Variants in H2BC18 observed in about 807,000 individuals in gnomAD.
The protein encoded by H2BC18 is histone H2B type 2-F.
Under a neutral mutation model 6.3 loss-of-function variants are expected in H2BC18, and 8 were observed. The ratio of observed to expected loss-of-function variants is 1.28; its 90% CI spans 0.75 to 2.31. The LOEUF is 2.31. H2BC18 is among the 30% of genes most tolerant of loss of function. H2BC18 has a pLI of 0.00. For missense variants in H2BC18, 106 were observed against 174.5 expected (o/e 0.61, Z 2.21); for synonymous variants, 104 against 78.1 (o/e 1.33, Z -1.75).
intron 1 of H2BC18, among the ~76,000 whole-genome samples, chr1:149,794,355 G>C (rs1355072898): frequency 6.6e-6 from 1 of 151,574 alleles, no homozygotes; most frequent in Admixed American, 6.6e-5. Flanking sequence ...GAGGGGAACG[G>C]GGTAGCAAGA....
chr1:149,792,677 C>G (rs1313558041), intron 1 of H2BC18: 2 of 1,280,080 alleles, frequency 1.6e-6, no homozygotes, highest in Non-Finnish European at 2.0e-6. Context: ...GCCGCCAGCG[C>G]CCGGGGACCC....
In H2BC18 at chr1:149,812,266, T is replaced by G. The variant is rs1214879677; in HGVS notation, c.58A>C (p.Thr20Pro). 2 of 1,614,256 alleles carry G rather than the reference T, an allele frequency of 1.2e-6. No homozygotes were observed. The highest frequency in any genetic ancestry group is 1.7e-6 in the Non-Finnish European group (2 of 1,180,032). ...APKKGSKKAV[T>P]KVQKKDGKKR... ...TTGCCGTCCTTCTTCTGCACTTTCG[T>G]AACAGCCTTTTTGGAGCCCTTCTTG... The change falls in exon 1 of 1, where the codon ACG (threonine) becomes CCG (proline). Residue 20 changes from threonine to proline, a missense_variant. By Grantham distance (38) the Thr-to-Pro change is conservative. Around this residue, in one of 3 missense-constraint regions of H2BC18, gnomAD observed 70 missense variants for 64.6 expected, o/e 1.08. Transcript: ENST00000369167.
intron 1 of H2BC18, among the ~76,000 whole-genome samples, chr1:149,797,114 T>A (rs1553752864): frequency 6.6e-6 from 1 of 152,232 alleles, no homozygotes; most frequent in Non-Finnish European, 1.5e-5. Context: ...GGTTTCACCA[T>A]CTTGGCTAGG....
rs1553754541 is a variant in H2BC18, at chr1:149,812,061, G to A, written c.263C>T (p.Ser88Phe). Residue 88 changes from serine (S) to phenylalanine (F), a missense_variant, in exon 1 of 1, where the codon TCC becomes TTC. Transcript: ENST00000369167. Reference sequence around the variant, plus strand: ...CTGGATCTCGCGGGATGTGATGGTGGAGCGCTTGTTGTAGTGCGCCAGGCG... The same window carrying A: ...CTGGATCTCGCGGGATGTGATGGTGAAGCGCTTGTTGTAGTGCGCCAGGCG... ...ASRLAHYNKRSTITSREIQTA... is the reference protein window; with the variant it reads ...ASRLAHYNKRFTITSREIQTA... The A allele has an allele frequency of 6.2e-7, 1 of 1,614,266 alleles. No individual in the cohort carries two copies. Among genetic ancestry groups the A allele is most frequent in the Non-Finnish European group, 8.5e-7 (1 of 1,180,054 alleles).
chr1:149,808,667 T>A (rs2091945772), downstream of H2BC18, among the ~76,000 whole-genome samples: 1 of 152,248 alleles, frequency 6.6e-6, no homozygotes. Flanking sequence ...TACTTTTACT[T>A]TTCAAAAGTT....
chr1:149,807,508 T>C (rs1289030694), downstream of H2BC18, among the ~76,000 whole-genome samples: 2 of 1,472 alleles, frequency 1.4e-3, no homozygotes, highest in Non-Finnish European at 2.8e-3. Context: ...GAAAAAGGCA[T>C]GGCGGGGGGG....
chr1:149,793,395 C>T (rs1340629403), intron 1 of H2BC18, among the ~76,000 whole-genome samples: 2 of 152,044 alleles, frequency 1.3e-5, no homozygotes, highest in Non-Finnish European at 2.9e-5. Flanking sequence ...AGGCTCCAGG[C>T]TCCGCAGGGG....
At chr1:149,799,950 A>G (rs623160) in intron 1 of H2BC18, among the ~76,000 whole-genome samples, 1 of 151,942 alleles carries the variant, frequency 6.6e-6, no homozygotes, top group Non-Finnish European at 1.5e-5. Context: ...CTCCAATTCA[A>G]TTTTTACACT....
intron 1 of H2BC18, among the ~76,000 whole-genome samples, chr1:149,784,725 C>CAT (rs2091495630): frequency 6.8e-6 from 1 of 147,942 alleles, no homozygotes; most frequent in African/African-American, 2.5e-5. Flanking sequence ...TATATACACA[C>CAT]ATATATATAG....
Position 149,791,475 on chromosome 1 carries a change from G to A in H2BC18, c.378-8215C>T, listed in dbSNP as rs781826137. On this transcript the variant is annotated intron_variant, in intron 1 of 1. Coordinates refer to the H2BC18 transcript ENST00000545683. ...GTCAGGAACAAAAAGAAGAACAGCT[G>A]CAGGAAGGGGTGCACCGGAAGGAGC... 2.5e-6 allele frequency: 4 copies of A among 1,609,372 alleles called. No homozygotes were observed. The South Asian group carries it at 4.4e-5, about 18-fold the overall frequency.
At chr1:149,793,356 C>T (rs1257210509) in intron 1 of H2BC18, 11 of 1,138,308 alleles carry the variant, frequency 9.7e-6, no homozygotes, top group Middle Eastern at 4.1e-4. Context: ...GGAGCTGGCT[C>T]GGCGGGATCA....
chr1:149,803,060 T>C (rs1188895209), intron 1 of H2BC18, among the ~76,000 whole-genome samples: 2 of 152,228 alleles, frequency 1.3e-5, no homozygotes, highest in Non-Finnish European at 2.9e-5. Flanking sequence ...AGGCATCCTT[T>C]AATCCTATCA....
At chr1:149,805,138 AACGACAAAAAAACAGGGAGATCTTAG>A (rs1343383918) in intron 1 of H2BC18, 6 of 152,208 alleles carry the variant, frequency 3.9e-5, no homozygotes, top group African/African-American at 1.4e-4. Flanking sequence ...GGAAAAAAAC[AACGACAAAAAAACAGGGAGATCTTAG>A]CAGAACCAAA....
intron 1 of H2BC18, chr1:149,793,989 C>T (rs2091770242): frequency 1.1e-6 from 1 of 941,884 alleles, no homozygotes; most frequent in African/African-American, 1.7e-5. Context: ...GATTCCAGCC[C>T]TGAGAACCAG....
At chr1:149,786,310 G>T (rs1194367856) in intron 1 of H2BC18, 1 of 152,116 alleles carries the variant, frequency 6.6e-6, no homozygotes, top group African/African-American at 2.4e-5. Flanking sequence ...ACTTACAGGA[G>T]TTATTTATAT....
chr1:149,803,878 A>G (rs1440993667), intron 1 of H2BC18: 1 of 152,228 alleles, frequency 6.6e-6, no homozygotes, highest in Non-Finnish European at 1.5e-5. Context: ...TTGGACTGTA[A>G]TTTGAAGAGA....
chr1:149,799,259 C>T (rs1337766459), intron 1 of H2BC18, among the ~76,000 whole-genome samples: 1 of 149,936 alleles, frequency 6.7e-6, no homozygotes, highest in Non-Finnish European at 1.5e-5. Flanking sequence ...AAAAATAATG[C>T]TTCGTGTCTT....
intron 1 of H2BC18, among the ~76,000 whole-genome samples, chr1:149,789,323 G>A (rs150770423): frequency 6.6e-6 from 1 of 152,056 alleles, no homozygotes; most frequent in Non-Finnish European, 1.5e-5. Context: ...AACCCGGGAA[G>A]CGGAGCTTGC....
intron 1 of H2BC18, chr1:149,784,089 C>T (rs782421281): frequency 1.2e-6 from 2 of 1,611,546 alleles, no homozygotes; most frequent in South Asian, 2.2e-5. Flanking sequence ...TGAGGTGCTC[C>T]ATCTGCCTGG....
Sources: allele counts gnomAD v4.1 joint callset (sites outside exome capture counted in the v4.1 genomes callset), GRCh38; gene constraint gnomAD v4.1.1; regional missense constraint gnomAD v4.1.1; transcripts MANE v1.5; gene names NCBI Gene and HGNC (gene_info 2026-07-23, HGNC 2026-07-21).